TFCP2: variants seen among roughly 807,000 people sequenced by gnomAD.
The protein encoded by TFCP2 is transcription factor CP2.
A neutral mutation model predicts 73.4 loss-of-function variants in TFCP2; 33 were observed. The ratio of observed to expected loss-of-function variants is 0.45; its 90% confidence interval spans 0.34 to 0.60. The LOEUF (loss-of-function observed/expected upper bound fraction) is 0.60, where lower values mean the gene tolerates loss of function less well. Ranked by LOEUF, TFCP2 falls within the 20% of genes least tolerant of loss-of-function variation. The pLI, the probability that TFCP2 is intolerant of heterozygous loss-of-function variation, is 0.01. For missense variants in TFCP2, 352 were observed against 604.0 expected, an observed-to-expected ratio of 0.58 and a Z score of 4.37; for synonymous variants, 193 against 211.6, an observed-to-expected ratio of 0.91 and a Z score of 0.76.
At chr12:51,106,417 G>T in intron 8 of TFCP2, 108 bp downstream of exon 8, 1 of 781,758 alleles carries the variant, frequency 1.3e-6, no homozygotes, top group South Asian at 1.8e-5. Flanking sequence ...ATCAAAGAAC[G>T]ACCAAATAGA....
intron 1 of TFCP2, among the ~76,000 whole-genome samples, chr12:51,166,483 G>A (rs1189118824): frequency 3.3e-5 from 5 of 152,042 alleles, no homozygotes; most frequent in Non-Finnish European, 7.4e-5. Flanking sequence ...TGTTTTTCAG[G>A]AATTAGGGGA....
chr12:51,118,821 G>C, intron 1 of TFCP2, 49 bp from the exon 2 acceptor site: 2 of 1,594,628 alleles, frequency 1.3e-6, no homozygotes, highest in South Asian at 1.1e-5. Context: ...TGGTGCAAAC[G>C]CAGGTTTATT....
chr12:51,156,387 A>G (rs899634013), intron 1 of TFCP2, among the ~76,000 whole-genome samples: 3 of 152,050 alleles, frequency 2.0e-5, no homozygotes, highest in African/African-American at 7.2e-5. Context: ...TCTTGAGTAA[A>G]CTAATAGAGC....
rs766827060 is a variant in TFCP2, at chr12:51,172,461, T to A, written c.-39A>T. ...TTGCCCCAGGAGACACCGTGTCTTG[T>A]ACAAAGGCGCGGAGGGTAATTCTAC... On this transcript the variant is annotated 5_prime_UTR_variant, in exon 1 of 15. Coordinates refer to ENST00000257915, the MANE Select transcript of TFCP2 (RefSeq NM_005653.5). 6.2e-7 allele frequency: 1 copy of A among 1,611,858 alleles called. No individual in the cohort carries two copies. The highest frequency in any genetic ancestry group is 2.2e-5 in the East Asian group (1 of 44,852).
intron 1 of TFCP2, among the ~76,000 whole-genome samples, chr12:51,145,819 G>A (rs543313740): frequency 5.9e-5 from 9 of 151,820 alleles, no homozygotes; most frequent in Admixed American, 2.0e-4. Flanking sequence ...AGGCATGGTG[G>A]TGCATACCTG....
intron 1 of TFCP2, among the ~76,000 whole-genome samples, chr12:51,128,767 G>T (rs1266748218): frequency 6.6e-6 from 1 of 152,210 alleles, no homozygotes; most frequent in African/African-American, 2.4e-5. Flanking sequence ...TGCAACAGGG[G>T]CCCAGAGCAA....
At chr12:51,152,354 A>T (rs996037087) in intron 1 of TFCP2, among the ~76,000 whole-genome samples, 5 of 148,416 alleles carry the variant, frequency 3.4e-5, no homozygotes, top group African/African-American at 1.2e-4. Flanking sequence ...TACAAGGAAC[A>T]AGAACTGTTC....
intron 1 of TFCP2, among the ~76,000 whole-genome samples, chr12:51,129,998 T>TA (rs1210315935): frequency 1.3e-5 from 2 of 150,726 alleles, no homozygotes. Context: ...AAAAAATTGT[T>TA]AAATTAGCTG....
intron 1 of TFCP2, among the ~76,000 whole-genome samples, chr12:51,140,705 G>A (rs1326840806): frequency 1.3e-5 from 2 of 151,622 alleles, no homozygotes; most frequent in African/African-American, 4.8e-5. Context: ...GGATCCTCCT[G>A]CCATAGCCTC....
intron 1 of TFCP2, among the ~76,000 whole-genome samples, chr12:51,139,141 G>A (rs1343795328): frequency 1.3e-5 from 2 of 152,102 alleles, no homozygotes; most frequent in Non-Finnish European, 2.9e-5. Context: ...CCCTCCTCAG[G>A]CATGATAACT....
intron 8 of TFCP2, among the ~76,000 whole-genome samples, chr12:51,104,855 G>A (rs1313082538): frequency 6.6e-6 from 1 of 151,632 alleles, no homozygotes; most frequent in East Asian, 1.9e-4. Flanking sequence ...GGGACTACAG[G>A]CGCCTGCCAC....
rs1940184725 is a variant in TFCP2 at position 51,104,589 on chromosome 12, TAAA to T, written c.918-389_918-387del. ...AAAAATAAAATGAAAAATATCAGGA[TAAA>T]AAATTTTATCAATACATTACTACTG... On this transcript the variant is annotated intron_variant, in intron 8 of 14. Coordinates refer to ENST00000257915, the MANE Select transcript of TFCP2 (RefSeq NM_005653.5). 2.0e-5 allele frequency among the ~76,000 whole-genome samples: 3 copies of T among 151,726 alleles called. No homozygotes were observed. In the South Asian group the frequency reaches 6.2e-4, roughly 31 times the overall value.
chr12:51,169,570 C>G (rs1377260564), intron 1 of TFCP2, among the ~76,000 whole-genome samples: 1 of 150,408 alleles, frequency 6.6e-6, no homozygotes, highest in Non-Finnish European at 1.5e-5. Context: ...ATGAAAAAAA[C>G]AAAAAAGCCA....
chr12:51,136,129 A>AC (rs1941055041), intron 1 of TFCP2, among the ~76,000 whole-genome samples: 1 of 151,598 alleles, frequency 6.6e-6, no homozygotes, highest in African/African-American at 2.4e-5. Flanking sequence ...ACATAGTGAA[A>AC]CCCCGTCTCT....
intron 1 of TFCP2, among the ~76,000 whole-genome samples, chr12:51,123,623 T>C (rs1368202957): frequency 6.6e-6 from 1 of 152,210 alleles, no homozygotes; most frequent in Non-Finnish European, 1.5e-5. Context: ...ATGGAGGTCT[T>C]GCTATGTTGC....
At chr12:51,098,445 G>C (rs1458320865) in intron 13 of TFCP2, among the ~76,000 whole-genome samples, 1 of 148,486 alleles carries the variant, frequency 6.7e-6, no homozygotes, top group Admixed American at 6.9e-5. Flanking sequence ...GGCCAACATG[G>C]CAAAACCCCA....
At chr12:51,164,614 A>AAAT (rs1941717419) in intron 1 of TFCP2, among the ~76,000 whole-genome samples, 1 of 151,348 alleles carries the variant, frequency 6.6e-6, no homozygotes, top group Non-Finnish European at 1.5e-5. Flanking sequence ...AAAAAAAAAA[A>AAAT]GTAATTAACA....
chr12:51,139,438 A>G (rs1203894934), intron 1 of TFCP2, among the ~76,000 whole-genome samples: 4 of 152,072 alleles, frequency 2.6e-5, no homozygotes, highest in Non-Finnish European at 2.9e-5. Context: ...TGGCGTGATC[A>G]TAGCTCACTG....
At chr12:51,121,434 A>T (rs1281922305) in intron 1 of TFCP2, among the ~76,000 whole-genome samples, 1 of 148,260 alleles carries the variant, frequency 6.7e-6, no homozygotes, top group Non-Finnish European at 1.5e-5. Flanking sequence ...AAAAAAAAAT[A>T]TTCCCCCAAA....
Sources: gnomAD v4.1 joint callset for allele counts (sites outside exome capture counted in the v4.1 genomes callset) on GRCh38, gnomAD v4.1.1 for gene constraint, MANE v1.5 for transcripts, NCBI Gene and HGNC (gene_info 2026-07-23, HGNC 2026-07-21) for gene names.